The following PRDM5 variants were observed in gnomAD, a reference collection of about 807,000 sequenced individuals.
PRDM5 encodes PR domain zinc finger protein 5.
PRDM5 carries 56 observed loss-of-function variants against 81.2 expected under a neutral mutation model. The observed-to-expected ratio is 0.69, with a 90% confidence interval of 0.56 to 0.86. PRDM5 has a LOEUF of 0.86. Ranked by LOEUF, PRDM5 falls within the 40% of genes least tolerant of loss-of-function variation. PRDM5 has a pLI of 0.00. For missense variants in PRDM5, 697 were observed against 770.1 expected (o/e 0.91, Z 1.12); for synonymous variants, 267 against 256.4 (o/e 1.04, Z -0.39).
intron 15 of PRDM5, among the ~76,000 whole-genome samples, chr4:120,702,390 C>A (rs1057388106): frequency 1.1e-4 from 17 of 152,194 alleles, no homozygotes; most frequent in African/African-American, 3.9e-4. Context: ...TACTCCTACT[C>A]ATCCTTAGGA....
At chr4:120,809,017 G>A (rs2149317689) in intron 8 of PRDM5, among the ~76,000 whole-genome samples, 1 of 152,248 alleles carries the variant, frequency 6.6e-6, no homozygotes, top group East Asian at 1.9e-4. Flanking sequence ...GGCTCCCACA[G>A]TGCAGCAGTG....
rs183029908 is a variant in PRDM5, at chr4:120,787,417, G to A, written c.1189-2326C>T. Among the ~76,000 whole-genome samples the A allele has an allele frequency of 9.9e-4, 151 of 152,292 alleles. 1 individual carries two copies. Among genetic ancestry groups the A allele is most frequent in the African/African-American group, 3.5e-3 (144 of 41,570 alleles). Reference sequence around the variant, plus strand: ...CTAAGAGAGATGTAACTTTCTGCAGGATTTTGAGCAGATGAGGGACACAAT... The same window carrying A: ...CTAAGAGAGATGTAACTTTCTGCAGAATTTTGAGCAGATGAGGGACACAAT... On this transcript the variant is annotated intron_variant, in intron 10 of 15. Transcript: ENST00000264808.
intron 8 of PRDM5, among the ~76,000 whole-genome samples, chr4:120,803,287 G>A (rs1752402995): frequency 6.6e-6 from 1 of 152,150 alleles, no homozygotes; most frequent in African/African-American, 2.4e-5. Context: ...CACTCTGCAG[G>A]ATATTATCCA....
chr4:120,688,180 G>C (rs1189068738), downstream of PRDM5, among the ~76,000 whole-genome samples: 1 of 151,468 alleles, frequency 6.6e-6, no homozygotes. Context: ...ATTCTAATTG[G>C]TGTGAGGTGA....
intron 2 of PRDM5, among the ~76,000 whole-genome samples, chr4:120,904,528 C>T (rs928381932): frequency 3.9e-5 from 6 of 152,076 alleles, no homozygotes; most frequent in African/African-American, 1.2e-4. Flanking sequence ...GAATGGCAAT[C>T]GTGTGAGTGT....
chr4:120,906,137 A>G (rs751125341), intron 2 of PRDM5, among the ~76,000 whole-genome samples: 9 of 151,946 alleles, frequency 5.9e-5, no homozygotes, highest in Non-Finnish European at 8.8e-5. Flanking sequence ...AGGCCCAGAT[A>G]ATTTTTTATA....
chr4:120,901,846 G>C (rs1421068823), intron 2 of PRDM5, among the ~76,000 whole-genome samples: 6 of 152,160 alleles, frequency 3.9e-5, no homozygotes, highest in Admixed American at 3.9e-4. Context: ...CTGTGGCATA[G>C]CATATGACTC....
intron 2 of PRDM5, among the ~76,000 whole-genome samples, chr4:120,905,781 T>G (rs574017985): frequency 6.6e-6 from 1 of 152,282 alleles, no homozygotes; most frequent in Non-Finnish European, 1.5e-5. Context: ...AAACTCCAGT[T>G]TTCCAACCTT....
chr4:120,843,094 T>A (rs1366585761), intron 3 of PRDM5, among the ~76,000 whole-genome samples: 1 of 151,972 alleles, frequency 6.6e-6, no homozygotes, highest in Non-Finnish European at 1.5e-5. Flanking sequence ...CACTTTAGGA[T>A]GCCGAGGCAG....
intron 1 of PRDM5, among the ~76,000 whole-genome samples, chr4:120,919,957 A>G (rs1724688027): frequency 6.6e-6 from 1 of 152,188 alleles, no homozygotes; most frequent in South Asian, 2.1e-4. Flanking sequence ...TTATACTGGA[A>G]AAAAAATCAG....
chr4:120,755,566 T>C (rs1341480373), intron 13 of PRDM5, among the ~76,000 whole-genome samples: 1 of 152,194 alleles, frequency 6.6e-6, no homozygotes, highest in African/African-American at 2.4e-5. Flanking sequence ...TACTCTCTCA[T>C]GTTCCATTTG....
intron 3 of PRDM5, among the ~76,000 whole-genome samples, chr4:120,822,628 T>G (rs996078748): frequency 6.6e-6 from 1 of 152,178 alleles, no homozygotes; most frequent in African/African-American, 2.4e-5. Flanking sequence ...ATACAGTTAT[T>G]TTGAGGATGG....
chr4:120,721,095 T>C (rs1019907705), intron 14 of PRDM5, among the ~76,000 whole-genome samples: 2 of 152,192 alleles, frequency 1.3e-5, no homozygotes, highest in African/African-American at 2.4e-5. Context: ...GTCACTTGCA[T>C]AGAGGTGTTA....
At chr4:120,731,113 T>C (rs954772679) in intron 14 of PRDM5, among the ~76,000 whole-genome samples, 3 of 152,200 alleles carry the variant, frequency 2.0e-5, no homozygotes, top group Non-Finnish European at 4.4e-5. Flanking sequence ...TATGACACTT[T>C]ACAGTCAGTT....
intron 1 of PRDM5, among the ~76,000 whole-genome samples, chr4:120,921,077 G>A (rs1217372007): frequency 2.6e-5 from 4 of 152,164 alleles, no homozygotes; most frequent in Non-Finnish European, 5.9e-5. Context: ...GTTGTTTACA[G>A]TACTCTTCAT....
chr4:120,781,180 G>T lies in PRDM5; in HGVS notation c.1406C>A (p.Ala469Asp). 6.2e-7 allele frequency: 1 copy of T among 1,613,216 alleles called. No homozygotes were observed. Among genetic ancestry groups the T allele is most frequent in the South Asian group, 1.1e-5 (1 of 91,060 alleles). Residue 469 changes from alanine (A) to aspartate (D), a missense_variant, in exon 12 of 16, where the codon GCC becomes GAC. Around this residue, in one of 3 missense-constraint regions of PRDM5, gnomAD observed 577 missense variants for 606.7 expected, o/e 0.95. Transcript: ENST00000264808. ...KKYRCELCNK[A>D]FVTPSVLRSH... ...TCTAAGCACTGAAGGTGTAACAAAG[G>T]CCTTATTACATAGCTCACACCTATA...
chr4:120,837,521 CA>C (rs1234041301), intron 3 of PRDM5: 2 of 152,176 alleles, frequency 1.3e-5, no homozygotes, highest in Non-Finnish European at 2.9e-5. Flanking sequence ...TACAACATAA[CA>C]TTATTCCAAC....
rs751782987 is a variant in PRDM5, at chr4:120,821,179, C to A, written c.467G>T (p.Gly156Val). The A allele has an allele frequency of 5.0e-6, 8 of 1,613,948 alleles. No homozygotes were observed. The Admixed American group carries it at 5.0e-5, about 10-fold the overall frequency. ...VENSRRQSTA[G>V]RKDRLGCKED... ...AATTAAAGATGCAATACCTTTTCTG[C>A]CCGCTGTTGATTGTCTTCTAGAATT... Residue 156 changes from glycine (G) to valine (V), a missense_variant, in exon 4 of 16, where the codon GGC becomes GTC. By Grantham distance (109) the Gly-to-Val change is moderately radical. This residue lies in a region of PRDM5 where 577 missense variants were observed against 606.7 expected (regional missense o/e 0.95). Coordinates refer to ENST00000264808, the MANE Select transcript of PRDM5 (RefSeq NM_018699.4).
chr4:120,918,704 G>T (rs1724519513), intron 1 of PRDM5, among the ~76,000 whole-genome samples: 1 of 142,736 alleles, frequency 7.0e-6, no homozygotes, highest in African/African-American at 2.6e-5. Flanking sequence ...ATCCCTCAGT[G>T]AGAATCAAGG....
Sources: allele counts gnomAD v4.1 joint callset (sites outside exome capture counted in the v4.1 genomes callset), GRCh38; gene constraint gnomAD v4.1.1; regional missense constraint gnomAD v4.1.1; transcripts MANE v1.5; gene names NCBI Gene and HGNC (gene_info 2026-07-23, HGNC 2026-07-21).